Variants in PPEF1 observed in about 807,000 individuals in gnomAD.
The protein encoded by PPEF1 is serine/threonine-protein phosphatase with EF-hands 1.
Under a neutral mutation model 53.3 loss-of-function variants are expected in PPEF1, and 12 were observed. The ratio of observed to expected loss-of-function variants is 0.23; its 90% CI spans 0.14 to 0.36. The LOEUF (loss-of-function observed/expected upper bound fraction) is 0.36. Among genes scored for constraint, PPEF1 ranks in the 10% least tolerant of loss-of-function variants. PPEF1 has a pLI of 1.00. For missense variants in PPEF1, 334 were observed against 490.4 expected (o/e 0.68, Z 3.01); for synonymous variants, 165 against 176.7 (o/e 0.93, Z 0.52).
rs774194709 is a variant in PPEF1, at chrX:18,803,164, G to T, written c.1066-728G>T. Among the ~76,000 whole-genome samples the T allele has an allele frequency of 2.7e-5, 3 of 112,436 alleles. No homozygotes were observed. In the South Asian group the frequency reaches 1.1e-3, roughly 41 times the overall value. ...TCTATAGATATTAAATTAACTAAAA[G>T]TATCCCTTATGGGAAACGAAGGGAT... On this transcript the variant is annotated intron_variant, in intron 10 of 15. Coordinates refer to ENST00000470157, the MANE Select transcript of PPEF1 (RefSeq NM_001377996.1).
At chrX:18,823,319 A>C (rs907344775) in intron 13 of PPEF1, among the ~76,000 whole-genome samples, 5 of 111,909 alleles carry the variant, frequency 4.5e-5, no homozygotes, top group African/African-American at 1.6e-4. Flanking sequence ...GTGTTTTTCA[A>C]ATCTTCTATA....
intron 3 of PPEF1, among the ~76,000 whole-genome samples, chrX:18,742,358 A>G (rs1229201476): frequency 5.4e-5 from 6 of 111,434 alleles, no homozygotes; most frequent in Admixed American, 1.9e-4. Flanking sequence ...GCTACCTAAT[A>G]AACTACCCCC....
In PPEF1 at chrX:18,690,358, GTT is replaced by G. The variant is rs67423941; in HGVS notation, c.-425-605_-425-604del. On this transcript the variant is annotated intron_variant, in intron 3 of 21. Transcript: ENST00000361511. The stretch of plus-strand genomic sequence containing the variant: ...AAGCCCTGGATATTTTCTAGGACTT[GTT>G]TTTTTTTTTTTTTTTTTTGGCGGGG... 7.5e-3 allele frequency among the ~76,000 whole-genome samples: 535 copies of G among 71,194 alleles called. 7 individuals carry two copies. Among genetic ancestry groups the G allele is most frequent in the African/African-American group, 0.026 (485 of 18,837 alleles). 61.8% of individuals were successfully genotyped at this position (71,194 alleles called of 115,157 possible). A position where few individuals can be genotyped will look rare whatever the true frequency, so the allele number is the denominator to read the frequency against.
At chrX:18,797,846 C>G (rs1429974825) in intron 10 of PPEF1, among the ~76,000 whole-genome samples, 1 of 110,911 alleles carries the variant, frequency 9.0e-6, no homozygotes, top group Non-Finnish European at 1.9e-5. Context: ...GGACTACAGG[C>G]ACCTGCCACC....
chrX:18,738,583 T>A (rs2045055818), intron 3 of PPEF1, among the ~76,000 whole-genome samples: 1 of 111,736 alleles, frequency 8.9e-6, no homozygotes, highest in Non-Finnish European at 1.9e-5. Context: ...CCAACTTTGG[T>A]GAATCTGACA....
intron 10 of PPEF1, among the ~76,000 whole-genome samples, chrX:18,789,634 T>G (rs2046289753): frequency 8.9e-6 from 1 of 112,155 alleles, no homozygotes; most frequent in African/African-American, 3.2e-5. Flanking sequence ...CAACCATCAA[T>G]CTACTATCTG....
chrX:18,759,076 A>G (rs1356614018), intron 5 of PPEF1, among the ~76,000 whole-genome samples: 1 of 111,022 alleles, frequency 9.0e-6, no homozygotes, highest in Non-Finnish European at 1.9e-5. Context: ...CGCATTAGGT[A>G]CCTGGTGGTT....
chrX:18,745,908 G>C (rs1278086788), intron 3 of PPEF1, among the ~76,000 whole-genome samples: 2 of 111,945 alleles, frequency 1.8e-5, no homozygotes, highest in African/African-American at 6.5e-5. Flanking sequence ...TAGTTCAATT[G>C]TTGCTTTTCT....
At chrX:18,709,501 TG>T (rs2044273409) in intron 1 of PPEF1, among the ~76,000 whole-genome samples, 1 of 66,079 alleles carries the variant, frequency 1.5e-5, no homozygotes, top group Non-Finnish European at 2.5e-5. Flanking sequence ...CTTTGTTTTT[TG>T]TTTTTTGTTT....
chrX:18,738,037 C>T lies in PPEF1; in HGVS notation c.235+4229C>T, dbSNP rs761463020. On this transcript the variant is annotated intron_variant, in intron 3 of 15. Coordinates refer to ENST00000470157, the MANE Select transcript of PPEF1 (RefSeq NM_001377996.1). Reference sequence around the variant, plus strand: ...GTGTGTCTCTGCACGTGAGATGGGTCTCCTGAATACAGCACACTGATGGGT... The same window carrying T: ...GTGTGTCTCTGCACGTGAGATGGGTTTCCTGAATACAGCACACTGATGGGT... 4.0e-3 allele frequency among the ~76,000 whole-genome samples: 446 copies of T among 110,322 alleles called. 3 individuals carry two copies. Among genetic ancestry groups the T allele is most frequent in the African/African-American group, 0.014 (429 of 30,261 alleles).
chrX:18,783,125 AAAAAG>A (rs1264684237), intron 8 of PPEF1, among the ~76,000 whole-genome samples: 1 of 106,405 alleles, frequency 9.4e-6, no homozygotes, highest in African/African-American at 3.4e-5. Context: ...AAAAAAAAAA[AAAAAG>A]AAGGCAGAGG....
At chrX:18,681,702 A>G (rs778334114), upstream of PPEF1, among the ~76,000 whole-genome samples, 3 of 111,992 alleles carry the variant, frequency 2.7e-5, no homozygotes, top group East Asian at 2.8e-4. Context: ...TTTTGACACC[A>G]TGGTCCCCCG....
chrX:18,732,683 C>A (rs2044864729), intron 2 of PPEF1, among the ~76,000 whole-genome samples: 1 of 111,360 alleles, frequency 9.0e-6, no homozygotes, highest in African/African-American at 3.3e-5. Flanking sequence ...ACTCCCAGAT[C>A]TACTCCCAGA....
chrX:18,797,395 T>C (rs893407970), intron 10 of PPEF1, among the ~76,000 whole-genome samples: 4 of 111,851 alleles, frequency 3.6e-5, no homozygotes, highest in African/African-American at 1.3e-4. Flanking sequence ...CGGAGTTAAG[T>C]CACTATACAG....
chrX:18,825,969 C>G, intron 15 of PPEF1, 134 bp downstream of exon 15: 1 of 405,071 alleles, frequency 2.5e-6, no homozygotes, highest in Admixed American at 5.2e-5. Flanking sequence ...AGATGGAGGC[C>G]TTGCTTATGC....
At chrX:18,682,426 G>T (rs1015026205), upstream of PPEF1, among the ~76,000 whole-genome samples, 1 of 111,885 alleles carries the variant, frequency 8.9e-6, no homozygotes, top group African/African-American at 3.2e-5. Flanking sequence ...CAAACAGGAG[G>T]AATTACCAAG....
intron 1 of PPEF1, among the ~76,000 whole-genome samples, chrX:18,726,489 A>C (rs987401998): frequency 9.0e-6 from 1 of 111,623 alleles, no homozygotes; most frequent in Non-Finnish European, 1.9e-5. Flanking sequence ...ACCTGAGTTC[A>C]TACTAAATAA....
intron 12 of PPEF1, among the ~76,000 whole-genome samples, chrX:18,816,629 T>G (rs1247528104): frequency 8.9e-6 from 1 of 111,865 alleles, no homozygotes; most frequent in Non-Finnish European, 1.9e-5. Flanking sequence ...GAAAGTCGAC[T>G]ATTGAAGTCT....
intron 13 of PPEF1, among the ~76,000 whole-genome samples, chrX:18,818,472 G>A (rs1415668029): frequency 9.3e-6 from 1 of 107,860 alleles, no homozygotes; most frequent in East Asian, 2.9e-4. Context: ...CTGGGTTTAA[G>A]CAATTCTCCT....
Sources: allele counts gnomAD v4.1 joint callset (sites outside exome capture counted in the v4.1 genomes callset), GRCh38; gene constraint gnomAD v4.1.1; transcripts MANE v1.5; gene names NCBI Gene and HGNC (gene_info 2026-07-23, HGNC 2026-07-21).